The following TIAM1 variants were observed in gnomAD, a reference collection of about 807,000 sequenced individuals.
TIAM1 encodes the protein rho guanine nucleotide exchange factor TIAM1.
Under a neutral mutation model 163.5 loss-of-function variants are expected in TIAM1, and 65 were observed. That is an observed-to-expected ratio of 0.40 (90% CI 0.33 to 0.49). The LOEUF (loss-of-function observed/expected upper bound fraction) is 0.49, where lower values mean the gene tolerates loss of function less well. Ranked by LOEUF, TIAM1 falls within the 20% of genes least tolerant of loss-of-function variation. The pLI is 0.77. For missense variants in TIAM1, 1,789 were observed against 2,044.7 expected (o/e 0.87, Z 2.41); for synonymous variants, 833 against 810.1 (o/e 1.03, Z -0.48).
intron 2 of TIAM1, among the ~76,000 whole-genome samples, chr21:31,458,289 G>T (rs745997102): frequency 1.3e-5 from 2 of 151,916 alleles, no homozygotes; most frequent in African/African-American, 4.8e-5. Flanking sequence ...CATAGGGGGC[G>T]GGCGCCTGTA....
intron 3 of TIAM1, among the ~76,000 whole-genome samples, chr21:31,273,378 C>G (rs1051956740): frequency 1.3e-5 from 2 of 152,214 alleles, no homozygotes; most frequent in Admixed American, 6.5e-5. Context: ...GACAGGCTCA[C>G]TCCTCAGATG....
At chr21:31,342,889 C>T (rs750637171) in intron 1 of TIAM1, among the ~76,000 whole-genome samples, 2 of 152,168 alleles carry the variant, frequency 1.3e-5, no homozygotes, top group Non-Finnish European at 2.9e-5. Flanking sequence ...CAAACTGCGG[C>T]CCCAGCAACC....
In TIAM1 at chr21:31,153,126, G is replaced by A. The variant is rs985644686; in HGVS notation, c.3180C>T (p.Asn1060=). 1.2e-6 allele frequency: 2 copies of A among 1,609,254 alleles called. No individual in the cohort carries two copies. Among genetic ancestry groups the A allele is most frequent in the Non-Finnish European group, 1.7e-6 (2 of 1,178,660 alleles). ...ETERTYVKDL[N]CLMERYLKPL... Reference sequence around the variant, plus strand: ...GCTTTAGGTATCTCTCCATAAGACAGTTTAAATCCTAAGAATTGAAAAGAG... The same window carrying A: ...GCTTTAGGTATCTCTCCATAAGACAATTTAAATCCTAAGAATTGAAAAGAG... The change falls in exon 18 of 28, where the codon AAC becomes AAT. Residue 1060 remains asparagine (N), a synonymous_variant. Coordinates refer to ENST00000541036, the MANE Select transcript of TIAM1 (RefSeq NM_001353694.2).
intron 6 of TIAM1, among the ~76,000 whole-genome samples, chr21:31,241,873 G>A (rs752350395): frequency 1.3e-5 from 2 of 152,074 alleles, no homozygotes; most frequent in South Asian, 2.1e-4. Context: ...AGCCAGGTGT[G>A]GTGGTGTACA....
chr21:31,451,698 T>TGGGAGAAACTCAGTACCAGACA (rs2044847941), intron 2 of TIAM1, among the ~76,000 whole-genome samples: 2 of 149,720 alleles, frequency 1.3e-5, no homozygotes, highest in Non-Finnish European at 3.0e-5. Context: ...GGCACCAGGC[T>TGGGAGAAACTCAGTACCAGACA]GAGTGAAAGC....
At chr21:31,363,436 T>C (rs1030894677) in intron 2 of TIAM1, among the ~76,000 whole-genome samples, 3 of 152,088 alleles carry the variant, frequency 2.0e-5, no homozygotes, top group Non-Finnish European at 4.4e-5. Flanking sequence ...GTTTTTTAAA[T>C]GGTTTTACTG....
chr21:31,515,089 C>G (rs2147480205), intron 1 of TIAM1, among the ~76,000 whole-genome samples: 1 of 152,308 alleles, frequency 6.6e-6, no homozygotes, highest in Admixed American at 6.5e-5. Context: ...TTGCAGAAAC[C>G]CAAGTTTGGC....
chr21:31,302,215 A>G (rs1601886276), intron 2 of TIAM1, among the ~76,000 whole-genome samples: 2 of 152,286 alleles, frequency 1.3e-5, no homozygotes, highest in East Asian at 3.9e-4. Flanking sequence ...AATCACTTTA[A>G]GTAACTGTCT....
chr21:31,259,232 G>A (rs1442446207), intron 4 of TIAM1, among the ~76,000 whole-genome samples: 2 of 54 alleles, frequency 0.037, no homozygotes, highest in South Asian at 0.5. Context: ...AACCTCCCAG[G>A]CTGAAGCATC....
chr21:31,290,646 CAAAAAAA>C (rs200030849), intron 2 of TIAM1, among the ~76,000 whole-genome samples: 16 of 63,204 alleles, frequency 2.5e-4, no homozygotes, highest in East Asian at 1.2e-3. Context: ...GACTCTATCT[CAAAAAAA>C]AAAAAAAAAA....
At chr21:31,368,319 T>G (rs2076533546) in intron 2 of TIAM1, among the ~76,000 whole-genome samples, 1 of 151,880 alleles carries the variant, frequency 6.6e-6, no homozygotes, top group African/African-American at 2.4e-5. Context: ...CATAATAATT[T>G]ATTTTACGCT....
At chr21:31,179,969 A>G (rs112967571) in intron 15 of TIAM1, among the ~76,000 whole-genome samples, 6,230 of 146,212 alleles carry the variant, frequency 0.043, 460 homozygotes, top group African/African-American at 0.15. Flanking sequence ...GCAGTGGTGC[A>G]ATCTCAGCTC....
rs140884622 is a variant in TIAM1 at position 31,155,902 on chromosome 21, G to A, written c.2992-1476C>T. On this transcript the variant is annotated intron_variant, in intron 16 of 27. Coordinates refer to ENST00000541036, the MANE Select transcript of TIAM1 (RefSeq NM_001353694.2). ...GCACAAAGCATTTCCAGTAAATACCGGTGCAAATAAAGAATAACTTCTTCT... is the reference window on the plus strand; with the variant it reads ...GCACAAAGCATTTCCAGTAAATACCAGTGCAAATAAAGAATAACTTCTTCT... Among the ~76,000 whole-genome samples, 323 of 152,232 alleles carry A rather than the reference G, an allele frequency of 2.1e-3. 2 individuals are homozygous for A. Among genetic ancestry groups the A allele is most frequent in the South Asian group, 6.4e-3 (31 of 4,824 alleles).
chr21:31,492,645 A>G (rs2046506249), intron 1 of TIAM1, among the ~76,000 whole-genome samples: 2 of 152,152 alleles, frequency 1.3e-5, no homozygotes, highest in Admixed American at 6.5e-5. Flanking sequence ...CCTAAAATGT[A>G]TAAAAGCAAC....
rs1287248158 is a variant in TIAM1, at chr21:31,139,539, G to T, written c.3774+1579C>A. On this transcript the variant is annotated intron_variant, in intron 22 of 27. Coordinates refer to ENST00000541036, the MANE Select transcript of TIAM1 (RefSeq NM_001353694.2). ...CAATCAAAATCAACACCAAAATATG[G>T]TAAGTTCTATGTCTTGAAACCATAG... 3.9e-5 allele frequency among the ~76,000 whole-genome samples: 6 copies of T among 152,108 alleles called. No individual in the cohort carries two copies. The South Asian group carries it at 1.2e-3, about 32-fold the overall frequency.
chr21:31,173,106 T>G (rs994118948), intron 15 of TIAM1, among the ~76,000 whole-genome samples: 1 of 152,152 alleles, frequency 6.6e-6, no homozygotes, highest in South Asian at 2.1e-4. Flanking sequence ...TTTACCCAGA[T>G]TACACACATC....
chr21:31,316,387 A>T (rs1034475420), intron 2 of TIAM1, among the ~76,000 whole-genome samples: 3 of 152,206 alleles, frequency 2.0e-5, no homozygotes, highest in Non-Finnish European at 2.9e-5. Flanking sequence ...GACAATGGTG[A>T]CATGTAGCCA....
At chr21:31,132,026 A>G (rs1255726369) in intron 23 of TIAM1, among the ~76,000 whole-genome samples, 1 of 152,208 alleles carries the variant, frequency 6.6e-6, no homozygotes, top group Non-Finnish European at 1.5e-5. Context: ...ATGGACTAAG[A>G]TAGTCTCCAT....
chr21:31,189,220 A>G (rs1250425688), intron 13 of TIAM1, among the ~76,000 whole-genome samples: 2 of 151,140 alleles, frequency 1.3e-5, no homozygotes, highest in African/African-American at 4.9e-5. Context: ...ACACTCAGCT[A>G]ATTTTTCTAA....
Sources: allele counts gnomAD v4.1 joint callset (sites outside exome capture counted in the v4.1 genomes callset), GRCh38; gene constraint gnomAD v4.1.1; transcripts MANE v1.5; gene names NCBI Gene and HGNC (gene_info 2026-07-23, HGNC 2026-07-21).